The following SHC3 variants were observed in gnomAD, a reference collection of about 807,000 sequenced individuals.
The protein encoded by SHC3 is SHC adaptor protein 3.
A neutral mutation model predicts 60.4 loss-of-function variants in SHC3; 15 were observed. The observed-to-expected ratio is 0.25, with a 90% confidence interval of 0.17 to 0.38. SHC3 has a LOEUF of 0.38. SHC3 is among the 10% of genes least tolerant of loss of function. SHC3 has a pLI of 1.00. For synonymous variants in SHC3, 294 were observed against 325.9 expected (o/e 0.90, Z 1.05); for missense variants, 677 against 786.1 (o/e 0.86, Z 1.66).
chr9:89,025,532 C>T (rs1439810208), intron 11 of SHC3, among the ~76,000 whole-genome samples: 1 of 152,224 alleles, frequency 6.6e-6, no homozygotes, highest in Non-Finnish European at 1.5e-5. Context: ...TCAGAATGAA[C>T]ACATCCTCTC....
chr9:89,109,286 G>T, intron 2 of SHC3: 1 of 751,354 alleles, frequency 1.3e-6, no homozygotes, highest in Non-Finnish European at 1.6e-6. Flanking sequence ...ATGCATGGGT[G>T]AAGGGGGTCC....
At chr9:89,129,077 TA>T (rs937577458) in intron 1 of SHC3, among the ~76,000 whole-genome samples, 3 of 152,080 alleles carry the variant, frequency 2.0e-5, no homozygotes, top group African/African-American at 7.2e-5. Context: ...CTGATGGAGC[TA>T]AAAACCATGG....
chr9:89,082,808 AC>A (rs1454812684), intron 2 of SHC3, among the ~76,000 whole-genome samples: 1 of 152,002 alleles, frequency 6.6e-6, no homozygotes, highest in Non-Finnish European at 1.5e-5. Context: ...GTCTGAAGGG[AC>A]CTCATAGTCT....
chr9:89,119,007 CAGG>C, intron 1 of SHC3, among the ~76,000 whole-genome samples: 1 of 152,162 alleles, frequency 6.6e-6, no homozygotes, highest in East Asian at 1.9e-4. Context: ...ACTAGTATCT[CAGG>C]AGATCTAAAC....
At chr9:89,025,609 C>T (rs1251303076) in intron 11 of SHC3, among the ~76,000 whole-genome samples, 1 of 152,158 alleles carries the variant, frequency 6.6e-6, no homozygotes, top group Non-Finnish European at 1.5e-5. Context: ...GGGGGTCAGA[C>T]ATGCCTCATT....
chr9:89,076,218 C>T (rs1825356277), intron 3 of SHC3, among the ~76,000 whole-genome samples: 1 of 152,130 alleles, frequency 6.6e-6, no homozygotes, highest in South Asian at 2.1e-4. Context: ...ATAGTGGAGA[C>T]TCTGGAGCCT....
intron 2 of SHC3, among the ~76,000 whole-genome samples, chr9:89,107,967 G>A (rs141827122): frequency 1.6e-3 from 239 of 152,304 alleles, no homozygotes; most frequent in African/African-American, 5.2e-3. Context: ...CTACATCAAG[G>A]TGGTCCCATG....
At chr9:89,157,703 A>G (rs1031401246) in intron 1 of SHC3, among the ~76,000 whole-genome samples, 1 of 151,878 alleles carries the variant, frequency 6.6e-6, no homozygotes, top group African/African-American at 2.4e-5. Flanking sequence ...GCAACCCCCA[A>G]CTCCCAAGTT....
intron 1 of SHC3, among the ~76,000 whole-genome samples, chr9:89,163,137 C>G (rs1826735517): frequency 6.7e-6 from 1 of 149,538 alleles, no homozygotes; most frequent in African/African-American, 2.5e-5. Flanking sequence ...CACTTTTACA[C>G]TGTTGGTGGG....
At chr9:89,026,821 G>A (rs1160594385) in intron 11 of SHC3, among the ~76,000 whole-genome samples, 2 of 152,170 alleles carry the variant, frequency 1.3e-5, no homozygotes, top group African/African-American at 2.4e-5. Flanking sequence ...GCACACCTGG[G>A]CCCTTGGACA....
intron 10 of SHC3, 31 bp downstream of exon 10, chr9:89,041,995 A>G (rs1454281769): frequency 6.2e-7 from 1 of 1,613,106 alleles, no homozygotes; most frequent in Admixed American, 1.7e-5. Context: ...ACCTCAAAAG[A>G]AAAGAAAACC....
chr9:89,033,025 A>ACC (rs1491147550), intron 11 of SHC3, among the ~76,000 whole-genome samples: 3 of 138,546 alleles, frequency 2.2e-5, no homozygotes, highest in African/African-American at 7.6e-5. Context: ...AAGCCCCCCC[A>ACC]CCGAAGAACA....
intron 11 of SHC3, among the ~76,000 whole-genome samples, chr9:89,032,686 C>T (rs1427150927): frequency 6.6e-6 from 1 of 152,136 alleles, no homozygotes; most frequent in Non-Finnish European, 1.5e-5. Flanking sequence ...CAGCTTCTCA[C>T]CACGTTTCCA....
intron 1 of SHC3, among the ~76,000 whole-genome samples, chr9:89,115,765 G>A (rs1175041478): frequency 6.6e-6 from 1 of 152,100 alleles, no homozygotes; most frequent in Non-Finnish European, 1.5e-5. Context: ...CATGAGTAAT[G>A]TCATTGAGTT....
chr9:89,161,126 C>A (rs578145616), intron 1 of SHC3, among the ~76,000 whole-genome samples: 81 of 152,266 alleles, frequency 5.3e-4, no homozygotes, highest in African/African-American at 1.9e-3. Context: ...CTGGTCCCCA[C>A]CCAAATCTCA....
intron 5 of SHC3, among the ~76,000 whole-genome samples, chr9:89,069,368 T>C (rs530995609): frequency 9.2e-5 from 14 of 152,122 alleles, no homozygotes; most frequent in African/African-American, 2.7e-4. Flanking sequence ...AGGACTTTCA[T>C]CTTACAATAA....
At chr9:89,140,455 C>T (rs994795143) in intron 1 of SHC3, among the ~76,000 whole-genome samples, 4 of 152,172 alleles carry the variant, frequency 2.6e-5, no homozygotes, top group East Asian at 1.9e-4. Flanking sequence ...TGGGGGGGCG[C>T]ATCTCCATAC....
chr9:89,075,260 T>C, intron 3 of SHC3, 32 bp from the exon 4 acceptor site: 2 of 1,609,534 alleles, frequency 1.2e-6, no homozygotes. Flanking sequence ...TTTTAGCTGT[T>C]TCATTTCCAT....
chr9:89,084,132 C>T (rs1031073773), intron 2 of SHC3, among the ~76,000 whole-genome samples: 1 of 152,110 alleles, frequency 6.6e-6, no homozygotes, highest in African/African-American at 2.4e-5. Flanking sequence ...TTGTATGTTG[C>T]AGACATAACA....
Sources: allele counts gnomAD v4.1 joint callset (sites outside exome capture counted in the v4.1 genomes callset), GRCh38; gene constraint gnomAD v4.1.1; transcripts MANE v1.5; gene names NCBI Gene and HGNC (gene_info 2026-07-23, HGNC 2026-07-21).